DOCK2: variants seen among roughly 807,000 people sequenced by gnomAD.
DOCK2 encodes dedicator of cytokinesis 2.
DOCK2 carries 87 observed loss-of-function variants against 248.9 expected under a neutral mutation model. The observed-to-expected ratio is 0.35, with a 90% CI of 0.29 to 0.42. The LOEUF is 0.42. DOCK2 is among the 10% of genes least tolerant of loss of function. The pLI is 1.00. For missense variants in DOCK2, 1,747 were observed against 2,300.2 expected (o/e 0.76, Z 4.92); for synonymous variants, 805 against 821.6 (o/e 0.98, Z 0.35).
chr5:169,991,583 G>T (rs1778207087), intron 29 of DOCK2, among the ~76,000 whole-genome samples: 1 of 152,246 alleles, frequency 6.6e-6, no homozygotes. Flanking sequence ...CCACCCATGG[G>T]CTGCTGGCCA....
chr5:170,014,644 G>A (rs886306891), intron 32 of DOCK2, among the ~76,000 whole-genome samples: 1 of 126,640 alleles, frequency 7.9e-6, no homozygotes, highest in Admixed American at 8.7e-5. Flanking sequence ...TGTTGGGGGG[G>A]GTAGACTATG....
At chr5:169,645,986 T>C (rs1483428579) in intron 1 of DOCK2, among the ~76,000 whole-genome samples, 3 of 152,136 alleles carry the variant, frequency 2.0e-5, no homozygotes, top group Non-Finnish European at 4.4e-5. Flanking sequence ...CCTGACCTCA[T>C]GATCCGCCCA....
chr5:169,977,347 C>T (rs1011321892), intron 27 of DOCK2, among the ~76,000 whole-genome samples: 2 of 152,200 alleles, frequency 1.3e-5, no homozygotes, highest in African/African-American at 2.4e-5. Context: ...TCATCATTTC[C>T]TCTGTCCAGG....
In DOCK2 at chr5:169,712,231, G is replaced by A. The variant is rs1230104659; in HGVS notation, c.1659+8G>A. The stretch of plus-strand genomic sequence containing the variant: ...GACTTAGTTGTCCTCAAGGTACCAT[G>A]AGTTGGAAGGAGCTCTGCACTGAGG... On this transcript the variant is annotated splice_region_variant and intron_variant, in intron 17 of 51. Coordinates refer to ENST00000520908, the MANE Select transcript of DOCK2 (RefSeq NM_004946.3). 6.2e-7 allele frequency: 1 copy of A among 1,613,378 alleles called. No homozygotes were observed.
chr5:169,968,700 C>T (rs748668210), intron 27 of DOCK2, among the ~76,000 whole-genome samples: 3 of 152,088 alleles, frequency 2.0e-5, no homozygotes, highest in South Asian at 2.1e-4. Flanking sequence ...TTTTGACTCC[C>T]GCTAGTTATT....
chr5:169,699,029 C>T (rs1760803713), intron 11 of DOCK2, among the ~76,000 whole-genome samples: 1 of 152,126 alleles, frequency 6.6e-6, no homozygotes. Flanking sequence ...TAAGGATGGT[C>T]CAGGTAATGA....
intron 27 of DOCK2, among the ~76,000 whole-genome samples, chr5:169,905,452 G>A (rs1374905869): frequency 6.6e-6 from 1 of 152,244 alleles, no homozygotes; most frequent in Non-Finnish European, 1.5e-5. Flanking sequence ...CTTTCTGCAA[G>A]AAGTGGTTTA....
intron 2 of DOCK2, among the ~76,000 whole-genome samples, chr5:169,661,801 T>A (rs961293327): frequency 2.0e-5 from 3 of 152,248 alleles, no homozygotes; most frequent in Non-Finnish European, 4.4e-5. Flanking sequence ...TCCTCCTTTT[T>A]AAAGGGTGAA....
rs565334215 is a variant in DOCK2 at position 169,903,548 on chromosome 5, G to T, written c.2799+62696G>T. Among the ~76,000 whole-genome samples, 3 of 151,642 alleles carry T rather than the reference G, an allele frequency of 2.0e-5. No homozygotes were observed. The South Asian group carries it at 6.3e-4, about 32-fold the overall frequency. On this transcript the variant is annotated intron_variant, in intron 27 of 51. Coordinates refer to ENST00000520908, the MANE Select transcript of DOCK2 (RefSeq NM_004946.3). ...GGGGGCCGGGGGGCAGGGGGCGTTCGGGTGGGCACAAGTGGGGAGATGGGA... is the reference window on the plus strand; with the variant it reads ...GGGGGCCGGGGGGCAGGGGGCGTTCTGGTGGGCACAAGTGGGGAGATGGGA...
At chr5:169,693,541 G>A (rs945134707) in intron 9 of DOCK2, among the ~76,000 whole-genome samples, 1 of 152,154 alleles carries the variant, frequency 6.6e-6, no homozygotes, top group African/African-American at 2.4e-5. Context: ...TTTCAGGATG[G>A]TTTGGAGGAA....
At chr5:169,885,040 T>G (rs1184205861) in intron 27 of DOCK2, among the ~76,000 whole-genome samples, 1 of 152,138 alleles carries the variant, frequency 6.6e-6, no homozygotes. Context: ...TCTCCATTTC[T>G]GCACAGCACT....
intron 45 of DOCK2, 147 bp downstream of exon 45, chr5:170,067,833 T>C: frequency 6.1e-6 from 5 of 819,982 alleles, no homozygotes; most frequent in Non-Finnish European, 9.4e-6. Context: ...TTGGCCCTCA[T>C]GTTTCTATAG....
intron 4 of DOCK2, 102 bp downstream of exon 4, chr5:169,670,699 G>C (rs952990381): frequency 1.4e-6 from 2 of 1,383,976 alleles, no homozygotes; most frequent in South Asian, 1.3e-5. Context: ...GGGTTGCTCA[G>C]CTTATCTTCT....
intron 27 of DOCK2, among the ~76,000 whole-genome samples, chr5:169,895,085 C>T (rs1334468415): frequency 6.6e-6 from 1 of 152,190 alleles, no homozygotes; most frequent in Non-Finnish European, 1.5e-5. Context: ...TCTGCCTGTA[C>T]AAGCTGTGAA....
chr5:170,050,559 T>C lies in DOCK2; in HGVS notation c.4213+162T>C, dbSNP rs542668480. 3.3e-5 allele frequency among the ~76,000 whole-genome samples: 5 copies of C among 152,330 alleles called. No homozygotes were observed. The East Asian group carries it at 9.7e-4, about 29-fold the overall frequency. ...ACATGTTCTTTGGATCCATGTTCTT[T>C]GGATCCTTTTCTGGACTCTTCATGA... On this transcript the variant is annotated intron_variant, in intron 41 of 51. Transcript: ENST00000520908.
intron 23 of DOCK2, among the ~76,000 whole-genome samples, chr5:169,752,251 G>A (rs1439208033): frequency 1.3e-5 from 2 of 152,176 alleles, no homozygotes; most frequent in African/African-American, 4.8e-5. Context: ...GCTCCAATTT[G>A]ATGGCACAAG....
At position 169,840,764 on chromosome 5, in the gene DOCK2, C is replaced by G; in HGVS notation, c.2711C>G (p.Thr904Ser). ...EVLSYQDAAF[T>S]YHHIQEIMVQ... ...TCTCTGACTGTTTTACAGGCCTTCACCTACCACCATATCCAGGAGATCATG... is the reference window on the plus strand; with the variant it reads ...TCTCTGACTGTTTTACAGGCCTTCAGCTACCACCATATCCAGGAGATCATG... The change falls in exon 27 of 52, where the codon ACC becomes AGC. Residue 904 changes from threonine to serine, a missense_variant. This residue lies in a region of DOCK2 where 858 missense variants were observed against 1,183.5 expected (regional missense o/e 0.72). Coordinates refer to ENST00000520908, the MANE Select transcript of DOCK2 (RefSeq NM_004946.3). The G allele has an allele frequency of 6.2e-7, 1 of 1,613,916 alleles. No individual in the cohort carries two copies. Among genetic ancestry groups the G allele is most frequent in the Non-Finnish European group, 8.5e-7 (1 of 1,179,934 alleles).
At chr5:169,971,430 T>G (rs1452460319) in intron 27 of DOCK2, among the ~76,000 whole-genome samples, 2 of 10,592 alleles carry the variant, frequency 1.9e-4, no homozygotes, top group African/African-American at 8.2e-3. Context: ...CCTAGAGCCT[T>G]TTTTTTTTTT....
intron 27 of DOCK2, among the ~76,000 whole-genome samples, chr5:169,960,185 A>G (rs1777027477): frequency 6.6e-6 from 1 of 152,246 alleles, no homozygotes; most frequent in South Asian, 2.1e-4. Context: ...AATTTCCACC[A>G]GTGTATAGTT....
Sources: gnomAD v4.1 joint callset for allele counts (sites outside exome capture counted in the v4.1 genomes callset) on GRCh38, gnomAD v4.1.1 for gene constraint, gnomAD v4.1.1 regional missense constraint, MANE v1.5 for transcripts, NCBI Gene and HGNC (gene_info 2026-07-23, HGNC 2026-07-21) for gene names.